The following CHMP6 variants were observed in gnomAD, a reference collection of about 807,000 sequenced individuals.
The protein encoded by CHMP6 is chromatin-modifying protein 6.
Under a neutral mutation model 32.8 loss-of-function variants are expected in CHMP6, and 10 were observed. The ratio of observed to expected loss-of-function variants is 0.30; its 90% CI spans 0.19 to 0.52. The LOEUF (loss-of-function observed/expected upper bound fraction) is 0.52. Among genes scored for constraint, CHMP6 ranks in the 20% least tolerant of loss-of-function variants. The pLI, the probability that CHMP6 is intolerant of heterozygous loss-of-function variation, is 0.97. For synonymous variants in CHMP6, 123 were observed against 105.8 expected (o/e 1.16, Z -1.00); for missense variants, 269 against 263.8 (o/e 1.02, Z -0.14).
Position 80,991,870 on chromosome 17 carries a change from G to A in CHMP6, c.-49G>A, listed in dbSNP as rs1257583193. The A allele has an allele frequency of 2.6e-5, 35 of 1,342,564 alleles. No individual in the cohort carries two copies. The highest frequency in any genetic ancestry group is 3.4e-5 in the Non-Finnish European group (35 of 1,031,468). The allele number at this position is 1,342,564 out of a possible 1,614,324, so 83.2% of individuals were successfully genotyped here. ...CCCGAGCTACGGTGGCCGCGGGGCG[G>A]CGGTGGCGATTGGACTTGGTGGGTC... is the stretch of plus-strand genomic sequence containing the variant. On this transcript the variant is annotated 5_prime_UTR_variant, in exon 1 of 8. Coordinates refer to ENST00000325167, the MANE Select transcript of CHMP6 (RefSeq NM_024591.5).
In CHMP6 at chr17:80,999,210, A is replaced by G; in HGVS notation, c.*57A>G. On this transcript the variant is annotated 3_prime_UTR_variant, in exon 8 of 8. Coordinates refer to ENST00000325167, the MANE Select transcript of CHMP6 (RefSeq NM_024591.5). ...GCCCCAGGGACTGTGGCCCACAGAG[A>G]GTTTGGGTCACGGCCAGCCCCTGAC... 6.2e-7 allele frequency: 1 copy of G among 1,601,164 alleles called. No homozygotes were observed. Among genetic ancestry groups the G allele is most frequent in the Non-Finnish European group, 8.6e-7 (1 of 1,169,046 alleles).
intron 1 of CHMP6, among the ~76,000 whole-genome samples, chr17:80,992,335 G>A (rs1194926539): frequency 6.6e-6 from 1 of 152,082 alleles, no homozygotes; most frequent in African/African-American, 2.4e-5. Flanking sequence ...CGCGGCGCTG[G>A]GCTTTCCCTG....
rs918152319 is a variant in CHMP6 at position 80,991,853 on chromosome 17, A to T, written c.-66A>T. ...CCGCCGTAGCGGGAGGACCCGAGCT[A>T]CGGTGGCCGCGGGGCGGCGGTGGCG... On this transcript the variant is annotated 5_prime_UTR_variant, in exon 1 of 8. Coordinates refer to ENST00000325167, the MANE Select transcript of CHMP6 (RefSeq NM_024591.5). 174 of 1,267,206 alleles carry T rather than the reference A, an allele frequency of 1.4e-4. No individual in the cohort carries two copies. The highest frequency in any genetic ancestry group is 1.6e-4 in the Non-Finnish European group (161 of 982,584). The allele number at this position is 1,267,206 out of a possible 1,614,324, so 78.5% of individuals were successfully genotyped here.
Position 80,994,651 on chromosome 17 carries a change from G to A in CHMP6, c.134G>A (p.Arg45His), listed in dbSNP as rs370737009. ...ATCGCCCAGCAGCTGGAGCGCGAGC[G>A]CGCCCTGGCCCGGCAGCTGCTGCGG... ...KRIAQQLERE[R>H]ALARQLLRDG... Residue 45 changes from arginine to histidine, a missense_variant, in exon 2 of 8, where the codon CGC becomes CAC. Arg to His is a conservative substitution (Grantham distance 29). Coordinates refer to ENST00000325167, the MANE Select transcript of CHMP6 (RefSeq NM_024591.5). 1.1e-4 allele frequency: 170 copies of A among 1,584,050 alleles called. No homozygotes were observed. In the Middle Eastern group the frequency reaches 1.5e-3, roughly 14 times the overall value.
chr17:80,991,864 G>T lies in CHMP6; in HGVS notation c.-55G>T. 7.6e-7 allele frequency: 1 copy of T among 1,310,396 alleles called. No homozygotes were observed. The highest frequency in any genetic ancestry group is 9.9e-7 in the Non-Finnish European group (1 of 1,012,258). The allele number at this position is 1,310,396 out of a possible 1,614,324, so 81.2% of individuals were successfully genotyped here. ...GGAGGACCCGAGCTACGGTGGCCGC[G>T]GGGCGGCGGTGGCGATTGGACTTGG... On this transcript the variant is annotated 5_prime_UTR_variant, in exon 1 of 8. Transcript: ENST00000325167.
intron 7 of CHMP6, 94 bp from the exon 8 acceptor site, chr17:80,999,004 A>G (rs2069662871): frequency 6.9e-7 from 1 of 1,455,928 alleles, no homozygotes; most frequent in Non-Finnish European, 9.6e-7. Context: ...AGTCCCCGGA[A>G]CTGGCCCTTG....
At chr17:80,998,685 T>C (rs11655877) in intron 7 of CHMP6, 563,651 of 1,386,134 alleles carry the variant, frequency 0.41, 116,026 homozygotes, top group Admixed American at 0.45. Flanking sequence ...AAGGCTTCTT[T>C]AGCAGCACCA....
intron 3 of CHMP6, among the ~76,000 whole-genome samples, chr17:80,995,436 T>C (rs1009179131): frequency 6.6e-6 from 1 of 152,110 alleles, no homozygotes; most frequent in Non-Finnish European, 1.5e-5. Context: ...TGCTCTTTGG[T>C]AACCAGAGCT....
Position 80,997,007 on chromosome 17 carries a change from G to A in CHMP6, c.349G>A (p.Val117Met), listed in dbSNP as rs1290343604. ...CAACACCCATCACCCTCGTCCACAGGTGATGTCCATTGAAGAGGTGGAGAG... is the reference window on the plus strand; with the variant it reads ...CAACACCCATCACCCTCGTCCACAGATGATGTCCATTGAAGAGGTGGAGAG... The part of the protein sequence containing the change: ...GNECLNKMHQ[V>M]MSIEEVERIL... Residue 117 changes from valine to methionine, a missense_variant and splice_region_variant, in exon 5 of 8, where the codon GTG becomes ATG. Physicochemically the swap from Val to Met is conservative, Grantham distance 21. Transcript: ENST00000325167. 1 of 1,613,552 alleles carries A rather than the reference G, an allele frequency of 6.2e-7. No individual in the cohort carries two copies.
At position 80,992,666 on chromosome 17, in the gene CHMP6, C is replaced by G. The variant is rs551005200; in HGVS notation, c.63+685C>G. Among the ~76,000 whole-genome samples the G allele has an allele frequency of 7.9e-5, 12 of 152,274 alleles. No homozygotes were observed. In the South Asian group the frequency reaches 1.7e-3, roughly 21 times the overall value. On this transcript the variant is annotated intron_variant, in intron 1 of 7. Coordinates refer to ENST00000325167, the MANE Select transcript of CHMP6 (RefSeq NM_024591.5). The stretch of plus-strand genomic sequence containing the variant: ...TTTGCGGCGACTCCAGACTGACCCC[C>G]CGGGGCACAGCCGGGCCGGTGGTGG...
intron 6 of CHMP6, among the ~76,000 whole-genome samples, chr17:80,997,920 G>A (rs955746004): frequency 5.3e-5 from 8 of 152,230 alleles, no homozygotes; most frequent in Admixed American, 2.0e-4. Flanking sequence ...CGAGTCCTCC[G>A]GGGCCTCCAG....
chr17:80,994,389 A>G (rs575603810), intron 1 of CHMP6, among the ~76,000 whole-genome samples, 192 bp from the exon 2 acceptor site: 1 of 152,164 alleles, frequency 6.6e-6, no homozygotes, highest in African/African-American at 2.4e-5. Flanking sequence ...CTTGTGTGGC[A>G]GGATGTGGAG....
At chr17:80,993,267 C>CCT (rs2069608498) in intron 1 of CHMP6, among the ~76,000 whole-genome samples, 1 of 149,846 alleles carries the variant, frequency 6.7e-6, no homozygotes, top group Non-Finnish European at 1.5e-5. Context: ...CAAATGATTG[C>CCT]TTTTTTTTTT....
intron 1 of CHMP6, among the ~76,000 whole-genome samples, chr17:80,992,224 C>T (rs1031370932): frequency 6.6e-6 from 1 of 151,742 alleles, no homozygotes; most frequent in Non-Finnish European, 1.5e-5. Flanking sequence ...CGCGCGTCCG[C>T]CTCTGCGAGC....
rs2069666912 is a variant in CHMP6 at position 80,999,422 on chromosome 17, G to C, written c.*269G>C. The stretch of plus-strand genomic sequence containing the variant: ...CTTCTGCCGGTTGTGGGCTCCCCCG[G>C]TGGCCGAGGCCCAGGCCCAACGCCT... On this transcript the variant is annotated 3_prime_UTR_variant, in exon 8 of 8. Transcript: ENST00000325167. 8.7e-6 allele frequency: 4 copies of C among 460,838 alleles called. No individual in the cohort carries two copies. The highest frequency in any genetic ancestry group is 4.1e-5 in the East Asian group (1 of 24,522). The allele number at this position is 460,838 out of a possible 1,614,324, so 28.5% of individuals were successfully genotyped here.
At chr17:80,999,073 A>G (rs753132969) in intron 7 of CHMP6, 25 bp from the exon 8 acceptor site, 14 of 1,613,542 alleles carry the variant, frequency 8.7e-6, no homozygotes, top group Non-Finnish European at 1.2e-5. Flanking sequence ...TTGGCGTGTC[A>G]TAAACATCTC....
chr17:80,998,501 T>C (rs1395067259), intron 7 of CHMP6, 81 bp downstream of exon 7: 1 of 1,609,722 alleles, frequency 6.2e-7, no homozygotes, highest in Non-Finnish European at 8.5e-7. Context: ...GACAGAATGC[T>C]CCCAGGCCTT....
chr17:80,994,434 G>C (rs1223048307), intron 1 of CHMP6, 147 bp from the exon 2 acceptor site: 6 of 589,380 alleles, frequency 1.0e-5, no homozygotes, highest in Non-Finnish European at 1.7e-5. Flanking sequence ...GACGTGTCCA[G>C]ACAGCACCAC....
At chr17:80,994,741 CCGGG>C in intron 2 of CHMP6, 51 bp downstream of exon 2, 1 of 804,622 alleles carries the variant, frequency 1.2e-6, no homozygotes, top group Non-Finnish European at 1.9e-6. Context: ...GGTGGGGGGC[CCGGG>C]CAGCGTGGGC....
Sources: allele counts gnomAD v4.1 joint callset (sites outside exome capture counted in the v4.1 genomes callset), GRCh38; gene constraint gnomAD v4.1.1; transcripts MANE v1.5; gene names NCBI Gene and HGNC (gene_info 2026-07-23, HGNC 2026-07-21).